DYM: variants seen among roughly 807,000 people sequenced by gnomAD.
DYM encodes the protein dyggve-Melchior-Clausen syndrome protein.
In DYM, 78 loss-of-function variants were observed where a neutral mutation model predicts 93.1. That is an observed-to-expected ratio of 0.84 (90% CI 0.70 to 1.01). The LOEUF (loss-of-function observed/expected upper bound fraction) is 1.01. DYM is among the 50% of genes least tolerant of loss of function. The pLI, the probability that DYM is intolerant of heterozygous loss-of-function variation, is 0.00. For missense variants in DYM, 789 were observed against 845.0 expected (o/e 0.93, Z 0.82); for synonymous variants, 321 against 319.7 (o/e 1.00, Z -0.04).
intron 7 of DYM, among the ~76,000 whole-genome samples, chr18:49,332,901 C>CGGTCATTCTGAG (rs1238155501): frequency 6.6e-6 from 1 of 152,162 alleles, no homozygotes; most frequent in African/African-American, 2.4e-5. Context: ...CTTCAAACCA[C>CGGTCATTCTGAG]GGTCATTCTG....
chr18:49,389,927 C>A (rs2069033957), intron 3 of DYM, among the ~76,000 whole-genome samples: 1 of 151,730 alleles, frequency 6.6e-6, no homozygotes. Flanking sequence ...TTTAAAAACC[C>A]AAAGTCACCT....
intron 11 of DYM, among the ~76,000 whole-genome samples, chr18:49,266,551 C>T (rs1256584891): frequency 6.6e-6 from 1 of 152,206 alleles, no homozygotes; most frequent in African/African-American, 2.4e-5. Flanking sequence ...GTCAAGGCTA[C>T]AGTGAGCAGC....
intron 1 of DYM, among the ~76,000 whole-genome samples, chr18:49,443,371 CA>C (rs549918702): frequency 2.1e-3 from 319 of 152,210 alleles, no homozygotes; most frequent in Admixed American, 3.3e-3. Flanking sequence ...ACTCTCAGTG[CA>C]CCACAAATCT....
chr18:49,219,734 T>C (rs1045076221), intron 13 of DYM, among the ~76,000 whole-genome samples: 35 of 152,044 alleles, frequency 2.3e-4, no homozygotes, highest in Middle Eastern at 6.8e-3. Flanking sequence ...TCTCAATAAA[T>C]TAGGTATTGA....
At chr18:49,401,088 A>G (rs1354150948) in intron 2 of DYM, among the ~76,000 whole-genome samples, 1 of 152,254 alleles carries the variant, frequency 6.6e-6, no homozygotes, top group African/African-American at 2.4e-5. Flanking sequence ...AGTGTCAAAT[A>G]TTCATACTAA....
chr18:49,186,920 C>CTTTTTTTTTTTTTT (rs57080617), intron 14 of DYM, among the ~76,000 whole-genome samples: 1 of 117,810 alleles, frequency 8.5e-6, no homozygotes, highest in Non-Finnish European at 1.7e-5. Context: ...ACACAATCTT[C>CTTTTTTTTTTTTTT]TTTTTTTTTT....
intron 13 of DYM, among the ~76,000 whole-genome samples, chr18:49,214,850 A>G (rs528766768): frequency 4.6e-5 from 7 of 152,332 alleles, no homozygotes; most frequent in African/African-American, 2.4e-5. Context: ...ATGATGATTC[A>G]TTTTAGTGGA....
chr18:49,199,453 T>C (rs1465193320), intron 14 of DYM, among the ~76,000 whole-genome samples: 4 of 152,364 alleles, frequency 2.6e-5, no homozygotes, highest in Non-Finnish European at 4.4e-5. Context: ...TTTTGACTTA[T>C]ACTGCACTGA....
At chr18:49,304,241 T>C (rs1599278424) in intron 8 of DYM, among the ~76,000 whole-genome samples, 1 of 152,192 alleles carries the variant, frequency 6.6e-6, no homozygotes, top group East Asian at 1.9e-4. Flanking sequence ...ACCAGCAGGA[T>C]ATAAAAGAGG....
chr18:49,432,845 G>A (rs776706103), intron 1 of DYM, among the ~76,000 whole-genome samples: 3 of 152,032 alleles, frequency 2.0e-5, no homozygotes, highest in Non-Finnish European at 4.4e-5. Context: ...AACTCTTTCT[G>A]CCTTGGCTTC....
intron 5 of DYM, chr18:49,368,631 C>T (rs1274291731): frequency 6.6e-6 from 1 of 152,202 alleles, no homozygotes; most frequent in East Asian, 1.9e-4. Context: ...CTGCCCCAGT[C>T]TCTAGGGCCC....
At chr18:49,370,725 C>A (rs2066960089) in intron 5 of DYM, among the ~76,000 whole-genome samples, 2 of 152,214 alleles carry the variant, frequency 1.3e-5, no homozygotes, top group African/African-American at 4.8e-5. Context: ...CAAAATCGTG[C>A]CACTGCACTC....
At chr18:49,301,247 G>A (rs374818664) in intron 8 of DYM, among the ~76,000 whole-genome samples, 18 of 152,284 alleles carry the variant, frequency 1.2e-4, no homozygotes, top group East Asian at 9.7e-4. Flanking sequence ...TGGGCCGGGC[G>A]TGGTGGCTCA....
At chr18:49,131,472 G>A (rs559626353) in intron 15 of DYM, among the ~76,000 whole-genome samples, 18 of 152,106 alleles carry the variant, frequency 1.2e-4, no homozygotes, top group African/African-American at 3.9e-4. Flanking sequence ...CAATCCACTC[G>A]CTTTGGCCTC....
chr18:49,361,473 CTTTT>C (rs2066013362), intron 6 of DYM, among the ~76,000 whole-genome samples: 2 of 152,154 alleles, frequency 1.3e-5, no homozygotes, highest in African/African-American at 4.8e-5. Flanking sequence ...TTAAAATCTA[CTTTT>C]TTATTTCAAA....
intron 14 of DYM, among the ~76,000 whole-genome samples, chr18:49,197,602 C>T (rs1771999706): frequency 6.6e-6 from 1 of 151,986 alleles, no homozygotes. Flanking sequence ...TCTATTATAG[C>T]CAAATCATGA....
intron 2 of DYM, chr18:49,411,904 C>T (rs2072289214): frequency 6.6e-6 from 1 of 152,106 alleles, no homozygotes; most frequent in African/African-American, 2.4e-5. Flanking sequence ...TTCCCCCTTA[C>T]CTTAGCAAAG....
At chr18:49,071,030 C>T (rs1014856243) in intron 17 of DYM, among the ~76,000 whole-genome samples, 2 of 152,130 alleles carry the variant, frequency 1.3e-5, no homozygotes, top group African/African-American at 4.8e-5. Context: ...TTATAAAGGA[C>T]AAAAATAATC....
intron 17 of DYM, among the ~76,000 whole-genome samples, chr18:49,082,966 T>C (rs2078186634): frequency 6.6e-6 from 1 of 152,244 alleles, no homozygotes; most frequent in Non-Finnish European, 1.5e-5. Context: ...TTACCTTATA[T>C]TCCTAGTTGT....
Sources: gnomAD v4.1 joint callset for allele counts (sites outside exome capture counted in the v4.1 genomes callset) on GRCh38, gnomAD v4.1.1 for gene constraint, MANE v1.5 for transcripts, NCBI Gene and HGNC (gene_info 2026-07-23, HGNC 2026-07-21) for gene names.